The following MIS18BP1 variants were observed in gnomAD, a reference collection of about 807,000 sequenced individuals.
The protein encoded by MIS18BP1 is MIS18 binding protein 1, also known as mis18-binding protein 1.
A neutral mutation model predicts 116.1 loss-of-function variants in MIS18BP1; 72 were observed. The ratio of observed to expected loss-of-function variants is 0.62; its 90% CI spans 0.51 to 0.75. The LOEUF is 0.75. Ranked by LOEUF, MIS18BP1 falls within the 30% of genes least tolerant of loss-of-function variation. The probability of loss-of-function intolerance (pLI) is 0.00; values close to 1 mark genes in which losing one functional copy is unlikely to be tolerated. For missense variants in MIS18BP1, 1,363 were observed against 1,303.2 expected (o/e 1.05, Z -0.71); for synonymous variants, 386 against 427.0 (o/e 0.90, Z 1.18).
Position 45,214,387 on chromosome 14 carries a change from G to A in MIS18BP1, c.3003+2632C>T, listed in dbSNP as rs139523799. Among the ~76,000 whole-genome samples the A allele has an allele frequency of 1.6e-4, 25 of 152,296 alleles. 1 individual carries two copies. The East Asian group carries it at 4.8e-3, about 29-fold the overall frequency. ...AGGCACAGCACCTTTTCTTAACCTTGTTTATGACACAGAGACCTTTGTTTA... is the reference window on the plus strand; with the variant it reads ...AGGCACAGCACCTTTTCTTAACCTTATTTATGACACAGAGACCTTTGTTTA... On this transcript the variant is annotated intron_variant, in intron 13 of 16. Coordinates refer to ENST00000310806, the MANE Select transcript of MIS18BP1 (RefSeq NM_018353.5).
Position 45,242,074 on chromosome 14 carries a change from C to T in MIS18BP1, c.1103G>A (p.Arg368Lys), listed in dbSNP as rs1354654685. 1 of 1,612,882 alleles carries T rather than the reference C, an allele frequency of 6.2e-7. No individual in the cohort carries two copies. Among genetic ancestry groups the T allele is most frequent in the Admixed American group, 1.7e-5 (1 of 59,814 alleles). Residue 368 changes from arginine (R) to lysine (K), a missense_variant, in exon 4 of 17, where the codon AGA becomes AAA. Physicochemically the swap from Arg to Lys is conservative, Grantham distance 26 (BLOSUM62 2). Coordinates refer to ENST00000310806, the MANE Select transcript of MIS18BP1 (RefSeq NM_018353.5). ...TCCATTTGTAACAGTTTGAAATATT[C>T]TTGGAGGAGAAAGCTTTGAAATATT... is the stretch of plus-strand genomic sequence containing the variant. The part of the protein sequence containing the change: ...KRNISKLSPP[R>K]IFQTVTNGLK...
intron 6 of MIS18BP1, among the ~76,000 whole-genome samples, chr14:45,234,425 A>C (rs1307972238): frequency 6.6e-6 from 1 of 152,176 alleles, no homozygotes; most frequent in African/African-American, 2.4e-5. Context: ...GCTAGTGTAC[A>C]AATGGAGAGG....
At chr14:45,206,868 C>T (rs935488356) in intron 14 of MIS18BP1, among the ~76,000 whole-genome samples, 4 of 152,138 alleles carry the variant, frequency 2.6e-5, no homozygotes, top group Admixed American at 2.6e-4. Context: ...ACTTCCTTCC[C>T]TGTCCTAATT....
chr14:45,230,080 G>A (rs771423969), intron 8 of MIS18BP1, among the ~76,000 whole-genome samples: 7 of 152,242 alleles, frequency 4.6e-5, no homozygotes, highest in Non-Finnish European at 1.0e-4. Context: ...TTTATATCCA[G>A]TATGGTGCTA....
At chr14:45,251,505 T>C (rs1020214113) in intron 1 of MIS18BP1, among the ~76,000 whole-genome samples, 7 of 152,210 alleles carry the variant, frequency 4.6e-5, no homozygotes, top group Admixed American at 2.6e-4. Context: ...AAGAATTTAC[T>C]GTAGTGGTAG....
chr14:45,215,637 T>G (rs1274848233), intron 13 of MIS18BP1, among the ~76,000 whole-genome samples: 1 of 152,022 alleles, frequency 6.6e-6, no homozygotes, highest in African/African-American at 2.4e-5. Flanking sequence ...GGTCTCGATC[T>G]CCTGACCTCA....
At chr14:45,212,040 T>TGG (rs1890687978) in intron 13 of MIS18BP1, among the ~76,000 whole-genome samples, 1 of 152,156 alleles carries the variant, frequency 6.6e-6, no homozygotes, top group Non-Finnish European at 1.5e-5. Context: ...TGTCACCATT[T>TGG]GGCCATTTTT....
In MIS18BP1 at chr14:45,226,779, T is replaced by C; in HGVS notation, c.1804A>G (p.Arg602Gly). 7.1e-7 allele frequency: 1 copy of C among 1,414,778 alleles called. No homozygotes were observed. Among genetic ancestry groups the C allele is most frequent in the South Asian group, 1.4e-5 (1 of 72,322 alleles). The allele number at this position is 1,414,778 out of a possible 1,614,324, so 87.6% of individuals were successfully genotyped here. ...MSSKKLKIGERTNERIIKSQK... is the reference protein window; with the variant it reads ...MSSKKLKIGEGTNERIIKSQK... ...CTTTTTATTATCCTTTCATTTGTTC[T>C]TTCACCAATTTTTAGTTTCTTTGAA... The change falls in exon 10 of 17, where the codon AGA becomes GGA. Residue 602 changes from arginine to glycine, a missense_variant. Arg to Gly is a moderately radical substitution (Grantham distance 125). Coordinates refer to ENST00000310806, the MANE Select transcript of MIS18BP1 (RefSeq NM_018353.5).
chr14:45,239,641 A>T (rs1891522920), intron 4 of MIS18BP1, among the ~76,000 whole-genome samples: 1 of 152,204 alleles, frequency 6.6e-6, no homozygotes, highest in Non-Finnish European at 1.5e-5. Context: ...TCTGAACAGA[A>T]CGACAAAATT....
chr14:45,203,890 T>G lies in MIS18BP1; in HGVS notation c.*219A>C. 2 of 348,260 alleles carry G rather than the reference T, an allele frequency of 5.7e-6. No homozygotes were observed. The highest frequency in any genetic ancestry group is 1.9e-4 in the South Asian group (2 of 10,664). The allele number at this position is 348,260 out of a possible 1,614,324, so 21.6% of individuals were successfully genotyped here. ...TATATTTTAATATGCAAAAACAAATTTACAGATATCTACACGAGCAAAAAC... is the reference window on the plus strand; with the variant it reads ...TATATTTTAATATGCAAAAACAAATGTACAGATATCTACACGAGCAAAAAC... On this transcript the variant is annotated 3_prime_UTR_variant, in exon 17 of 17. Transcript: ENST00000310806.
chr14:45,225,679 A>T (rs1193178378), intron 10 of MIS18BP1, among the ~76,000 whole-genome samples: 1 of 152,212 alleles, frequency 6.6e-6, no homozygotes. Flanking sequence ...TGAGAATCTT[A>T]TATCTTGTCA....
Position 45,230,221 on chromosome 14 carries a change from G to T in MIS18BP1, c.1594+920C>A, listed in dbSNP as rs1891237835. Reference sequence around the variant, plus strand: ...TTAGTAACTTTTACTCATCTATATTGTTTAGAAAGAGCTGTAAGTTAATGT... The same window carrying T: ...TTAGTAACTTTTACTCATCTATATTTTTTAGAAAGAGCTGTAAGTTAATGT... On this transcript the variant is annotated intron_variant, in intron 8 of 16. Coordinates refer to ENST00000310806, the MANE Select transcript of MIS18BP1 (RefSeq NM_018353.5). 2.0e-5 allele frequency among the ~76,000 whole-genome samples: 3 copies of T among 152,146 alleles called. 1 individual carries two copies. In the South Asian group the frequency reaches 6.2e-4, roughly 31 times the overall value.
At chr14:45,227,563 A>C (rs1372171988) in intron 9 of MIS18BP1, 100 bp downstream of exon 9, 9 of 1,066,318 alleles carry the variant, frequency 8.4e-6, no homozygotes, top group Admixed American at 2.5e-5. Flanking sequence ...AAAAAAAAAA[A>C]AACAGAACTC....
intron 11 of MIS18BP1, among the ~76,000 whole-genome samples, chr14:45,221,281 A>C (rs1890966777): frequency 6.6e-6 from 1 of 152,000 alleles, no homozygotes. Context: ...TACTGAAAAT[A>C]CAAAAAATTA....
chr14:45,211,498 A>T (rs1028932721), intron 13 of MIS18BP1, among the ~76,000 whole-genome samples: 1 of 152,134 alleles, frequency 6.6e-6, no homozygotes, highest in African/African-American at 2.4e-5. Flanking sequence ...CTCTCTTTAA[A>T]AACTCCTATG....
chr14:45,230,422 T>C (rs1891242888), intron 8 of MIS18BP1, among the ~76,000 whole-genome samples: 1 of 152,184 alleles, frequency 6.6e-6, no homozygotes, highest in South Asian at 2.1e-4. Flanking sequence ...TTGAATTCCA[T>C]TTCTTCCATG....
chr14:45,209,338 T>C (rs368071931), intron 14 of MIS18BP1, among the ~76,000 whole-genome samples: 1 of 152,274 alleles, frequency 6.6e-6, no homozygotes, highest in Non-Finnish European at 1.5e-5. Context: ...TAATTTCTTT[T>C]TTTTTTGAGA....
intron 15 of MIS18BP1, 64 bp downstream of exon 15, chr14:45,206,018 TA>T: frequency 9.5e-7 from 1 of 1,048,940 alleles, no homozygotes; most frequent in Non-Finnish European, 1.4e-6. Context: ...GACTTACAAC[TA>T]CCACAGTTTA....
At chr14:45,208,330 G>GTTTTTTTTTT (rs1166566812) in intron 14 of MIS18BP1, among the ~76,000 whole-genome samples, 1 of 120,942 alleles carries the variant, frequency 8.3e-6, no homozygotes, top group Non-Finnish European at 1.7e-5. Context: ...GGATGAAGTT[G>GTTTTTTTTTT]TTTTTTTTTT....
Sources: allele counts gnomAD v4.1 joint callset (sites outside exome capture counted in the v4.1 genomes callset), GRCh38; gene constraint gnomAD v4.1.1; transcripts MANE v1.5; gene names NCBI Gene and HGNC (gene_info 2026-07-23, HGNC 2026-07-21).